Variants in FAM161A observed in about 807,000 individuals in gnomAD.
The protein encoded by FAM161A is FAM161 centrosomal protein A.
In FAM161A, 57 loss-of-function variants were observed where a neutral mutation model predicts 70.9. The ratio of observed to expected loss-of-function variants is 0.80; its 90% confidence interval spans 0.65 to 1.00. FAM161A has a LOEUF of 1.00. Ranked by LOEUF, FAM161A falls within the 50% of genes least tolerant of loss-of-function variation. The pLI, the probability that FAM161A is intolerant of heterozygous loss-of-function variation, is 0.00. For synonymous variants in FAM161A, 299 were observed against 295.7 expected (o/e 1.01, Z -0.12); for missense variants, 880 against 836.0 (o/e 1.05, Z -0.65).
intron 1 of FAM161A, among the ~76,000 whole-genome samples, chr2:61,848,333 A>G (rs1234015045): frequency 1.3e-5 from 2 of 152,234 alleles, no homozygotes; most frequent in African/African-American, 4.8e-5. Context: ...CTTTTCAGAT[A>G]AACTGATCTC....
At chr2:61,847,868 G>A (rs1483851269) in intron 1 of FAM161A, among the ~76,000 whole-genome samples, 2 of 152,070 alleles carry the variant, frequency 1.3e-5, no homozygotes, top group Non-Finnish European at 2.9e-5. Context: ...AATGGCAGAT[G>A]TTCAAGGAAT....
At position 61,832,249 on chromosome 2, in the gene FAM161A, A is replaced by AT. The variant is rs1672607460; in HGVS notation, c.1851+3760_1851+3761insA. ...CAGAGTAAGACCCTGTCACACACAC[A>AT]CAAAAAAAAACCAACAACAACAACA... On this transcript the variant is annotated intron_variant, in intron 5 of 6. Transcript: ENST00000404929. 1.3e-5 allele frequency among the ~76,000 whole-genome samples: 2 copies of AT among 148,898 alleles called. 1 individual carries two copies.
the FAM161A span, among the ~76,000 whole-genome samples, chr2:61,807,371 A>G: frequency 1.3e-5 from 2 of 151,786 alleles, no homozygotes; most frequent in Admixed American, 1.3e-4. Context: ...TTGTTTAAGT[A>G]TTTATTTAGT....
intron 5 of FAM161A, among the ~76,000 whole-genome samples, chr2:61,830,566 C>A (rs1260248967): frequency 6.6e-6 from 1 of 151,460 alleles, no homozygotes; most frequent in African/African-American, 2.4e-5. Context: ...CACCTGTAAT[C>A]CCAGCTACTC....
At chr2:61,821,921 C>A (rs1421585177), downstream of FAM161A, among the ~76,000 whole-genome samples, 1 of 151,922 alleles carries the variant, frequency 6.6e-6, no homozygotes, top group Non-Finnish European at 1.5e-5. Context: ...AGATGCCCAC[C>A]ACCATACCCG....
chr2:61,838,534 A>C lies in FAM161A; in HGVS notation c.1751+4T>G, dbSNP rs761242814. On this transcript the variant is annotated splice_donor_region_variant and intron_variant, in intron 4 of 6. Coordinates refer to ENST00000404929, the MANE Select transcript of FAM161A (RefSeq NM_001201543.2). ...TCTGGAGATTCAAGATTTTTTCATG[A>C]TACCTGAGACATTTTACTCTGGATT... 3.0e-5 allele frequency: 48 copies of C among 1,599,644 alleles called. No homozygotes were observed. The highest frequency in any genetic ancestry group is 4.0e-5 in the Non-Finnish European group (47 of 1,172,724).
chr2:61,844,355 C>A (rs961928387), intron 1 of FAM161A, among the ~76,000 whole-genome samples: 11 of 152,066 alleles, frequency 7.2e-5, no homozygotes, highest in African/African-American at 2.7e-4. Context: ...TATTTGGGGG[C>A]CATCCTGCAA....
At position 61,827,319 on chromosome 2, in the gene FAM161A, G is replaced by A. The variant is rs918386768; in HGVS notation, c.1852-61C>T. On this transcript the variant is annotated intron_variant, in intron 5 of 6. Coordinates refer to ENST00000404929, the MANE Select transcript of FAM161A (RefSeq NM_001201543.2). ...AAGACTTTAAATTTTCATCAAAAAT[G>A]TATAGATTAGGCCAGGCGCGGTGGC... 4 of 1,569,492 alleles carry A rather than the reference G, an allele frequency of 2.5e-6. No homozygotes were observed. The South Asian group carries it at 3.3e-5, about 13-fold the overall frequency.
At chr2:61,844,766 T>G (rs910772168) in intron 1 of FAM161A, among the ~76,000 whole-genome samples, 2 of 152,132 alleles carry the variant, frequency 1.3e-5, no homozygotes, top group Non-Finnish European at 2.9e-5. Context: ...GGAAAGGACA[T>G]GTATATAAAT....
chr2:61,801,993 A>G, the FAM161A span, among the ~76,000 whole-genome samples: 4 of 152,246 alleles, frequency 2.6e-5, no homozygotes, highest in Non-Finnish European at 5.9e-5. Context: ...TGTAAAATGT[A>G]TTACACTGAA....
rs768436840 is a variant in FAM161A, at chr2:61,839,605, T to C, written c.1399A>G (p.Ile467Val). 9.3e-6 allele frequency: 15 copies of C among 1,614,104 alleles called. No homozygotes were observed. Among genetic ancestry groups the C allele is most frequent in the Non-Finnish European group, 6.8e-6 (8 of 1,180,048 alleles). Residue 467 changes from isoleucine to valine, a missense_variant, in exon 3 of 7, where the codon ATT (isoleucine) becomes GTT (valine). Ile to Val is a conservative substitution (Grantham distance 29). Coordinates refer to ENST00000404929, the MANE Select transcript of FAM161A (RefSeq NM_001201543.2). ...FDLHASPHAS[I>V]KREKILADIE... ...TCTGCCAAAATTTTTTCTCTTTTAA[T>C]AGATGCATGTGGAGATGCATGAAGA...
chr2:61,835,156 A>G (rs1025146982), intron 5 of FAM161A, among the ~76,000 whole-genome samples: 11 of 152,362 alleles, frequency 7.2e-5, no homozygotes, highest in African/African-American at 2.6e-4. Flanking sequence ...TTCTGTAACT[A>G]TGCTCATCTG....
At chr2:61,823,280 C>T (rs552986095), downstream of FAM161A, among the ~76,000 whole-genome samples, 61 of 149,490 alleles carry the variant, frequency 4.1e-4, 1 homozygote, top group African/African-American at 1.4e-3. Flanking sequence ...TTGCAGTGAG[C>T]CAAGATCGCA....
chr2:61,805,434 T>C, the FAM161A span, among the ~76,000 whole-genome samples: 1 of 152,132 alleles, frequency 6.6e-6, no homozygotes, highest in Admixed American at 6.5e-5. Flanking sequence ...GAGAATTGCT[T>C]GAACCTGGGA....
chr2:61,833,033 G>T (rs1672640474), intron 5 of FAM161A, among the ~76,000 whole-genome samples: 1 of 152,084 alleles, frequency 6.6e-6, no homozygotes. Context: ...AAAAGCCTAA[G>T]AATAATAATG....
At chr2:61,843,849 ATCAGTCT>A (rs1466198970) in intron 1 of FAM161A, among the ~76,000 whole-genome samples, 1 of 152,196 alleles carries the variant, frequency 6.6e-6, no homozygotes, top group African/African-American at 2.4e-5. Flanking sequence ...CTTTTAAAAA[ATCAGTCT>A]TCAGAGGCCG....
intron 6 of FAM161A, 118 bp from the exon 7 acceptor site, chr2:61,826,717 T>C (rs1256325691): frequency 2.4e-6 from 2 of 846,636 alleles, no homozygotes; most frequent in Non-Finnish European, 1.8e-6. Context: ...GAATTCCAAT[T>C]TGTTACCAAG....
intron 1 of FAM161A, among the ~76,000 whole-genome samples, chr2:61,849,405 C>T (rs1041170713): frequency 2.7e-5 from 4 of 150,892 alleles, no homozygotes; most frequent in South Asian, 2.1e-4. Flanking sequence ...TATGGGAGGC[C>T]GAGGAGGGCG....
At chr2:61,817,007 C>T in the FAM161A span, among the ~76,000 whole-genome samples, 2 of 152,076 alleles carry the variant, frequency 1.3e-5, no homozygotes, top group South Asian at 4.2e-4. Flanking sequence ...AACTGCAATT[C>T]GAAACTGAAA....
Sources: gnomAD v4.1 joint callset for allele counts (sites outside exome capture counted in the v4.1 genomes callset) on GRCh38, gnomAD v4.1.1 for gene constraint, MANE v1.5 for transcripts, NCBI Gene and HGNC (gene_info 2026-07-23, HGNC 2026-07-21) for gene names.